Variants in PANK1 observed in about 807,000 individuals in gnomAD.
The protein encoded by PANK1 is pantothenate kinase 1.
A neutral mutation model predicts 40.1 loss-of-function variants in PANK1; 18 were observed. The ratio of observed to expected loss-of-function variants is 0.45; its 90% CI spans 0.31 to 0.67. The LOEUF is 0.67. Ranked by LOEUF, PANK1 falls within the 30% of genes least tolerant of loss-of-function variation. The pLI is 0.06. For missense variants in PANK1, 457 were observed against 599.6 expected, an observed-to-expected ratio of 0.76 and a Z score of 2.48; for synonymous variants, 242 against 237.7, an observed-to-expected ratio of 1.02 and a Z score of -0.17.
intron 5 of PANK1, among the ~76,000 whole-genome samples, chr10:89,591,484 A>G (rs184881191): frequency 2.0e-5 from 3 of 152,364 alleles, no homozygotes; most frequent in African/African-American, 7.2e-5. Flanking sequence ...GTGTCCCTCA[A>G]TGAAATGGCT....
chr10:89,592,293 A>G (rs1196557823), intron 5 of PANK1, among the ~76,000 whole-genome samples: 1 of 152,204 alleles, frequency 6.6e-6, no homozygotes, highest in Admixed American at 6.5e-5. Flanking sequence ...TGTATCATAA[A>G]GACTGCCTCA....
chr10:89,643,956 A>G (rs1842036469), intron 1 of PANK1: 1 of 1,027,582 alleles, frequency 9.7e-7, no homozygotes, highest in African/African-American at 1.6e-5. Context: ...GAAAAAAAAA[A>G]TCCACCTCCA....
At chr10:89,644,200 G>T (rs1842044593) in intron 1 of PANK1, among the ~76,000 whole-genome samples, 1 of 152,206 alleles carries the variant, frequency 6.6e-6, no homozygotes, top group South Asian at 2.1e-4. Flanking sequence ...AGCGAGAGGG[G>T]TGAGAAAGGA....
chr10:89,602,247 C>T (rs958926346), intron 2 of PANK1, among the ~76,000 whole-genome samples: 5 of 152,174 alleles, frequency 3.3e-5, no homozygotes, highest in Non-Finnish European at 7.3e-5. Flanking sequence ...AAATAATCTA[C>T]GTACGTACTA....
chr10:89,633,378 A>C (rs910275771), intron 1 of PANK1, among the ~76,000 whole-genome samples: 4 of 152,190 alleles, frequency 2.6e-5, no homozygotes, highest in Non-Finnish European at 5.9e-5. Context: ...CACCCCAAAG[A>C]ATAAATCACT....
At chr10:89,634,416 G>A (rs1841745058) in intron 1 of PANK1, among the ~76,000 whole-genome samples, 1 of 152,148 alleles carries the variant, frequency 6.6e-6, no homozygotes, top group African/African-American at 2.4e-5. Context: ...ATTCAGTGTA[G>A]GATCAAGGCC....
intron 1 of PANK1, among the ~76,000 whole-genome samples, chr10:89,629,917 T>C (rs1031722772): frequency 6.6e-6 from 1 of 152,168 alleles, no homozygotes; most frequent in African/African-American, 2.4e-5. Flanking sequence ...ATACTAAAAA[T>C]ACCTAACAAC....
downstream of PANK1, chr10:89,582,088 T>C (rs149925051): frequency 5.9e-5 from 9 of 152,366 alleles, no homozygotes; most frequent in East Asian, 1.7e-3. Context: ...CTGAGCTCTT[T>C]AAATATGTAT....
At chr10:89,611,036 C>T (rs1350950800) in intron 2 of PANK1, among the ~76,000 whole-genome samples, 2 of 152,198 alleles carry the variant, frequency 1.3e-5, no homozygotes, top group Non-Finnish European at 2.9e-5. Flanking sequence ...TCCGTATCTT[C>T]CATTTAGCTT....
rs1844572883 is a variant in PANK1 at position 89,595,836 on chromosome 10, ATATATATATATATATAT to A, written c.900-1864_900-1848del. 7.8e-4 allele frequency among the ~76,000 whole-genome samples: 36 copies of A among 46,292 alleles called. 2 individuals carry two copies. The highest frequency in any genetic ancestry group is 5.2e-3 in the African/African-American group (35 of 6,706). The allele number at this position is 46,292 out of a possible 152,430, so 30.4% of individuals were successfully genotyped here. A position where few individuals can be genotyped will look rare whatever the true frequency, so the allele number is the denominator to read the frequency against. ...CATCTTAAAAAAAAAAAAAAAAAAT[ATATATATATATATATAT>A]ATATATATATATATATATATAACTT... On this transcript the variant is annotated intron_variant, in intron 3 of 6. Transcript: ENST00000307534.
chr10:89,617,925 A>G (rs978025311), intron 1 of PANK1, among the ~76,000 whole-genome samples: 4 of 152,248 alleles, frequency 2.6e-5, no homozygotes, highest in African/African-American at 9.6e-5. Flanking sequence ...AAACTGTTCA[A>G]GACCTAAAAA....
chr10:89,604,957 TAG>T (rs1844908026), intron 2 of PANK1, among the ~76,000 whole-genome samples: 1 of 151,814 alleles, frequency 6.6e-6, no homozygotes, highest in South Asian at 2.1e-4. Context: ...TTCACCATGT[TAG>T]CCAGGATGGT....
At chr10:89,639,292 T>A (rs751658258) in intron 1 of PANK1, 6 of 428,854 alleles carry the variant, frequency 1.4e-5, no homozygotes, top group Non-Finnish European at 2.8e-5. Flanking sequence ...CCTTTTACAA[T>A]TGGCATTAAC....
chr10:89,630,743 C>G (rs536226649), intron 1 of PANK1, among the ~76,000 whole-genome samples: 1 of 152,200 alleles, frequency 6.6e-6, no homozygotes, highest in African/African-American at 2.4e-5. Flanking sequence ...CCGCCCGCCT[C>G]GGCCTTCCGA....
intron 5 of PANK1, chr10:89,592,873 A>C (rs755477004): frequency 3.8e-5 from 21 of 547,672 alleles, no homozygotes; most frequent in Non-Finnish European, 1.5e-5. Context: ...AGTTATGTGC[A>C]AGGATGCTCA....
At chr10:89,633,205 G>A (rs1841703457) in intron 1 of PANK1, among the ~76,000 whole-genome samples, 1 of 152,154 alleles carries the variant, frequency 6.6e-6, no homozygotes, top group Non-Finnish European at 1.5e-5. Flanking sequence ...GCAGAGTTGG[G>A]AAGTCATGTG....
At chr10:89,604,466 C>A (rs533913730) in intron 2 of PANK1, among the ~76,000 whole-genome samples, 1 of 152,006 alleles carries the variant, frequency 6.6e-6, no homozygotes, top group Non-Finnish European at 1.5e-5. Context: ...CCTAGGCAGG[C>A]GGATCACTTG....
chr10:89,604,692 C>CAAAAA (rs34373242), intron 2 of PANK1, among the ~76,000 whole-genome samples: 3 of 79,962 alleles, frequency 3.8e-5, no homozygotes, highest in African/African-American at 1.5e-4. Flanking sequence ...AACTCCGTCT[C>CAAAAA]AAAAAAAAAA....
intron 6 of PANK1, among the ~76,000 whole-genome samples, chr10:89,585,609 C>T (rs1352804641): frequency 6.6e-6 from 1 of 152,132 alleles, no homozygotes; most frequent in Non-Finnish European, 1.5e-5. Context: ...CTCTATGAGA[C>T]AAATATAATT....
Sources: gnomAD v4.1 joint callset for allele counts (sites outside exome capture counted in the v4.1 genomes callset) on GRCh38, gnomAD v4.1.1 for gene constraint, MANE v1.5 for transcripts, NCBI Gene and HGNC (gene_info 2026-07-23, HGNC 2026-07-21) for gene names.